Variants in COL24A1 observed in about 807,000 individuals in gnomAD.
COL24A1 encodes the protein collagen type XXIV alpha 1 chain.
Under a neutral mutation model 253.9 loss-of-function variants are expected in COL24A1, and 224 were observed. That is an observed-to-expected ratio of 0.88 (90% CI 0.79 to 0.99). The LOEUF (loss-of-function observed/expected upper bound fraction) is 0.99. Ranked by LOEUF, COL24A1 falls within the 50% of genes least tolerant of loss-of-function variation. The probability of loss-of-function intolerance (pLI) is 0.00; values close to 1 mark genes in which losing one functional copy is unlikely to be tolerated. For missense variants in COL24A1, 2,131 were observed against 2,068.5 expected, an observed-to-expected ratio of 1.03 and a Z score of -0.59; for synonymous variants, 685 against 673.7, an observed-to-expected ratio of 1.02 and a Z score of -0.26.
chr1:85,970,454 A>G (rs1332933924), intron 21 of COL24A1, among the ~76,000 whole-genome samples, 183 bp from the exon 22 acceptor site: 1 of 152,108 alleles, frequency 6.6e-6, no homozygotes, highest in Non-Finnish European at 1.5e-5. Flanking sequence ...TTTTGTGTGA[A>G]CCTGGTGCAT....
At chr1:85,896,966 T>C (rs560664448) in intron 28 of COL24A1, among the ~76,000 whole-genome samples, 1 of 152,328 alleles carries the variant, frequency 6.6e-6, no homozygotes, top group East Asian at 1.9e-4. Flanking sequence ...GTGGTTATAA[T>C]ATAGGTGTGT....
chr1:86,076,684 C>T (rs959358571), intron 7 of COL24A1, among the ~76,000 whole-genome samples: 1 of 150,880 alleles, frequency 6.6e-6, no homozygotes. Flanking sequence ...TCAGAAGTAA[C>T]ACCATACATC....
rs770429442 is a variant in COL24A1, at chr1:86,022,224, A to G, written c.2256+16T>C. On this transcript the variant is annotated intron_variant, in intron 18 of 59. Transcript: ENST00000370571. ...CTCTGTCAATTACAAAGAGCAAAGC[A>G]AAAGTTCAAACCTACTGAAGGCCCT... The G allele has an allele frequency of 6.2e-7, 1 of 1,611,740 alleles. No homozygotes were observed. The highest frequency in any genetic ancestry group is 8.5e-7 in the Non-Finnish European group (1 of 1,177,886).
intron 37 of COL24A1, among the ~76,000 whole-genome samples, chr1:85,861,812 A>T (rs1193165838): frequency 1.3e-5 from 2 of 152,198 alleles, no homozygotes; most frequent in Non-Finnish European, 2.9e-5. Flanking sequence ...GTCCTTCATG[A>T]TCTACTTCCT....
At chr1:85,824,408 G>A (rs1673994680) in intron 43 of COL24A1, among the ~76,000 whole-genome samples, 1 of 152,132 alleles carries the variant, frequency 6.6e-6, no homozygotes, top group South Asian at 2.1e-4. Context: ...GCAGCCTCAG[G>A]AAACTAATAT....
At chr1:86,057,026 T>C (rs1700713958) in intron 10 of COL24A1, among the ~76,000 whole-genome samples, 1 of 152,118 alleles carries the variant, frequency 6.6e-6, no homozygotes, top group Admixed American at 6.5e-5. Context: ...TGGATGTTTG[T>C]CCCCTCCAAA....
At chr1:85,740,842 G>A (rs1001822648) in intron 57 of COL24A1, among the ~76,000 whole-genome samples, 1 of 146,010 alleles carries the variant, frequency 6.8e-6, no homozygotes, top group African/African-American at 2.5e-5. Flanking sequence ...GGGCACGGTG[G>A]CTCACGCCTG....
chr1:85,921,990 A>T (rs1456230893), intron 24 of COL24A1, among the ~76,000 whole-genome samples: 1 of 152,270 alleles, frequency 6.6e-6, no homozygotes, highest in African/African-American at 2.4e-5. Context: ...GAGGGAGCTG[A>T]AAACCATGGC....
rs771544317 is a variant in COL24A1 at position 85,761,425 on chromosome 1, A to G, written c.4411-3T>C. On this transcript the variant is annotated splice_region_variant and splice_polypyrimidine_tract_variant and intron_variant, in intron 54 of 59. Transcript: ENST00000370571. ...GGGCCTGGTGCTCCAGGTGGACCCT[A>G]GAACACAGCAAATTAAAAAAAATAC... 2.5e-6 allele frequency: 4 copies of G among 1,614,000 alleles called. No individual in the cohort carries two copies. The highest frequency in any genetic ancestry group is 1.7e-6 in the Non-Finnish European group (2 of 1,179,984).
chr1:86,027,510 C>A (rs113255705), intron 14 of COL24A1, among the ~76,000 whole-genome samples: 13,219 of 152,282 alleles, frequency 0.087, 705 homozygotes, highest in Middle Eastern at 0.19. Context: ...GTGCAAGCCC[C>A]AAGCCTTGGC....
intron 57 of COL24A1, among the ~76,000 whole-genome samples, chr1:85,741,100 A>G (rs1221493490): frequency 6.7e-6 from 1 of 149,604 alleles, no homozygotes; most frequent in Non-Finnish European, 1.5e-5. Context: ...GCCTAGGCAC[A>G]GGGGTGAAAC....
intron 47 of COL24A1, among the ~76,000 whole-genome samples, chr1:85,790,679 C>A (rs1293161078): frequency 6.6e-6 from 1 of 151,874 alleles, no homozygotes; most frequent in African/African-American, 2.4e-5. Flanking sequence ...AGTGCACATG[C>A]TATCATATCA....
chr1:86,042,882 A>G (rs1379710713), intron 12 of COL24A1, among the ~76,000 whole-genome samples: 1 of 152,160 alleles, frequency 6.6e-6, no homozygotes, highest in Admixed American at 6.5e-5. Context: ...TATATAATAT[A>G]AGTACTATTT....
intron 59 of COL24A1, among the ~76,000 whole-genome samples, chr1:85,733,298 T>C (rs1404972538): frequency 6.6e-6 from 1 of 152,174 alleles, no homozygotes; most frequent in Non-Finnish European, 1.5e-5. Context: ...AACTCCATTC[T>C]CTAAAAGAGG....
intron 47 of COL24A1, among the ~76,000 whole-genome samples, chr1:85,803,634 C>G (rs1264345909): frequency 2.6e-5 from 4 of 151,492 alleles, no homozygotes; most frequent in African/African-American, 9.7e-5. Context: ...CATTCTGATA[C>G]TACTGAAATA....
chr1:86,056,831 G>A (rs1700700698), intron 10 of COL24A1, among the ~76,000 whole-genome samples: 1 of 149,772 alleles, frequency 6.7e-6, no homozygotes, highest in Non-Finnish European at 1.5e-5. Context: ...TCCAGCCTGG[G>A]CAACAGAGTA....
intron 53 of COL24A1, 83 bp from the exon 54 acceptor site, chr1:85,761,649 G>A (rs542818913): frequency 2.9e-6 from 4 of 1,360,952 alleles, no homozygotes; most frequent in African/African-American, 2.9e-5. Flanking sequence ...TTCAACCTCT[G>A]TAACTGCCTT....
intron 12 of COL24A1, among the ~76,000 whole-genome samples, chr1:86,038,909 C>T (rs1699239138): frequency 6.6e-6 from 1 of 152,166 alleles, no homozygotes; most frequent in South Asian, 2.1e-4. Flanking sequence ...TTAACCATAA[C>T]CTCATGAATT....
chr1:85,907,148 A>G, intron 28 of COL24A1, 46 bp downstream of exon 28: 1 of 1,439,512 alleles, frequency 6.9e-7, no homozygotes, highest in Non-Finnish European at 9.7e-7. Flanking sequence ...CTATTTATGA[A>G]GTAATTTTGG....
Sources: gnomAD v4.1 joint callset for allele counts (sites outside exome capture counted in the v4.1 genomes callset) on GRCh38, gnomAD v4.1.1 for gene constraint, MANE v1.5 for transcripts, NCBI Gene and HGNC (gene_info 2026-07-23, HGNC 2026-07-21) for gene names.